The following HCN3 variants were observed in gnomAD, a reference collection of about 807,000 sequenced individuals.
HCN3 encodes the protein potassium/sodium hyperpolarization-activated cyclic nucleotide-gated channel 3.
HCN3 carries 36 observed loss-of-function variants against 56.8 expected under a neutral mutation model. The observed-to-expected ratio is 0.63, with a 90% CI of 0.49 to 0.84. The LOEUF (loss-of-function observed/expected upper bound fraction) is 0.84, where lower values mean the gene tolerates loss of function less well. Among genes scored for constraint, HCN3 ranks in the 40% least tolerant of loss-of-function variants. The pLI is 0.00. For synonymous variants in HCN3, 425 were observed against 439.7 expected (o/e 0.97, Z 0.42); for missense variants, 930 against 1,079.3 (o/e 0.86, Z 1.94).
At chr1:155,279,041 C>G (rs1000184855) in intron 1 of HCN3, among the ~76,000 whole-genome samples, 1 of 152,210 alleles carries the variant, frequency 6.6e-6, no homozygotes, top group Non-Finnish European at 1.5e-5. Flanking sequence ...GATTCCTCCT[C>G]AGCAGCCGAG....
At position 155,282,801 on chromosome 1, in the gene HCN3, C is replaced by T. The variant is rs763904221; in HGVS notation, c.669C>T (p.Arg223=). The change falls in exon 2 of 8, where the codon CGC becomes CGT. Residue 223 remains arginine, a synonymous_variant. Transcript: ENST00000368358. The surrounding 1 kb of genome is among the most constrained non-coding windows in gnomAD (Gnocchi z 4.7). ...TKILSLLRLL[R]LSRLIRYIHQ... is the part of the protein sequence containing the mutation. ...TCCTAAGCCTGCTGAGGCTGCTCCG[C>T]CTCTCCCGCCTCATCCGCTACATAC... 6.2e-7 allele frequency: 1 copy of T among 1,612,088 alleles called. No individual in the cohort carries two copies. Among genetic ancestry groups the T allele is most frequent in the Admixed American group, 1.7e-5 (1 of 59,984 alleles).
rs767727947 is a variant in HCN3 at position 155,288,415 on chromosome 1, G to A, written c.2277G>A (p.Val759=). Residue 759 remains valine, a synonymous_variant, in exon 8 of 8, where the codon GTG becomes GTA. Coordinates refer to ENST00000368358, the MANE Select transcript of HCN3 (RefSeq NM_020897.3). The surrounding 1 kb of genome is among the most constrained non-coding windows in gnomAD (Gnocchi z 6.5). ...PRTAQPPRPP[V]PEPATPRGLQ... is the part of the protein sequence containing the mutation. ...CAGCCCAGCCCCCCAGGCCACCAGTGCCTGAGCCAGCCACACCCCGGGGTC... is the reference window on the plus strand; with the variant it reads ...CAGCCCAGCCCCCCAGGCCACCAGTACCTGAGCCAGCCACACCCCGGGGTC... 7 of 1,611,272 alleles carry A rather than the reference G, an allele frequency of 4.3e-6. No homozygotes were observed. The East Asian group carries it at 1.6e-4, about 36-fold the overall frequency.
chr1:155,281,541 G>A (rs1410992390), intron 1 of HCN3, among the ~76,000 whole-genome samples: 1 of 151,328 alleles, frequency 6.6e-6, no homozygotes, highest in Admixed American at 6.6e-5. Context: ...GCTAATTTTT[G>A]TATTTTTTGT....
chr1:155,285,888 C>T lies in HCN3; in HGVS notation c.1401C>T (p.Phe467=), dbSNP rs1470602995. ...REGSVGRKMY[F]IQHGLLSVLA... ...GCTCCGTGGGGAGGAAGATGTACTTCATCCAGCATGGGCTGCTCAGTGTGC... is the reference window on the plus strand; with the variant it reads ...GCTCCGTGGGGAGGAAGATGTACTTTATCCAGCATGGGCTGCTCAGTGTGC... The change falls in exon 6 of 8, where the codon TTC becomes TTT. Residue 467 remains phenylalanine (F), a synonymous_variant. Coordinates refer to ENST00000368358, the MANE Select transcript of HCN3 (RefSeq NM_020897.3). The surrounding 1 kb of genome is among the most constrained non-coding windows in gnomAD (Gnocchi z 4.5). 1 of 1,614,144 alleles carries T rather than the reference C, an allele frequency of 6.2e-7. No individual in the cohort carries two copies. The highest frequency in any genetic ancestry group is 8.5e-7 in the Non-Finnish European group (1 of 1,179,986).
rs773470248 is a variant in HCN3 at position 155,282,760 on chromosome 1, G to T, written c.628G>T (p.Val210Phe). 2 of 1,614,042 alleles carry T rather than the reference G, an allele frequency of 1.2e-6. No individual in the cohort carries two copies. The highest frequency in any genetic ancestry group is 1.7e-6 in the Non-Finnish European group (2 of 1,180,008). The part of the protein sequence containing the change: ...VYKTARALRI[V>F]RFTKILSLLR... ...CAAAACGGCACGGGCCCTACGCATC[G>T]TTCGCTTCACCAAGATCCTAAGCCT... The change falls in exon 2 of 8, where the codon GTT (valine) becomes TTT (phenylalanine). Residue 210 changes from valine (V) to phenylalanine (F), a missense_variant. Physicochemically the swap from Val to Phe is conservative, Grantham distance 50. Transcript: ENST00000368358. This position sits in a 1 kb window ranked among gnomAD's most constrained non-coding sequence, Gnocchi z 4.7.
chr1:155,286,551 G>C (rs543781281), intron 6 of HCN3, among the ~76,000 whole-genome samples: 221 of 152,288 alleles, frequency 1.5e-3, no homozygotes, highest in African/African-American at 5.2e-3. Flanking sequence ...GAAATCCAAG[G>C]ATCCTATGAG....
intron 1 of HCN3, 106 bp downstream of exon 1, chr1:155,277,974 C>T: frequency 7.3e-7 from 1 of 1,366,152 alleles, no homozygotes; most frequent in Non-Finnish European, 1.0e-6. Flanking sequence ...TCATTTCCAG[C>T]CCGGGGTCCC....
chr1:155,289,461 CA>C lies in HCN3; in HGVS notation c.*999del, dbSNP rs1674439350. ...AGCCTCTGTGGTCCTTGCCCAAACC[CA>C]TCAGCGCAATACTTGAACCTTCTCC... On this transcript the variant is annotated 3_prime_UTR_variant, in exon 8 of 8. Transcript: ENST00000368358. The C allele has an allele frequency of 6.6e-6, 1 of 152,260 alleles. No individual in the cohort carries two copies. Among genetic ancestry groups the C allele is most frequent in the South Asian group, 2.1e-4 (1 of 4,840 alleles). The allele number at this position is 152,260 out of a possible 1,614,324, so 9.4% of individuals were successfully genotyped here. A position where few individuals can be genotyped will look rare whatever the true frequency, so the allele number is the denominator to read the frequency against.
Position 155,285,712 on chromosome 1 carries a change from T to G in HCN3, c.1237-12T>G. The G allele has an allele frequency of 6.2e-7, 1 of 1,613,702 alleles. No individual in the cohort carries two copies. The highest frequency in any genetic ancestry group is 1.3e-5 in the African/African-American group (1 of 75,012). On this transcript the variant is annotated splice_polypyrimidine_tract_variant and intron_variant, in intron 5 of 7. Coordinates refer to ENST00000368358, the MANE Select transcript of HCN3 (RefSeq NM_020897.3). The surrounding 1 kb of genome is among the most constrained non-coding windows in gnomAD (Gnocchi z 4.5). ...GGGCACAGCCTGCCTGACAGGCCCC[T>G]CCCCTGTCCAGGAGATCATTAACTT...
rs191859933 is a variant in HCN3 at position 155,285,335 on chromosome 1, G to A, written c.1236+24G>A. ...AGGTGGGGCTGGGTTGGGCCTGGAAGGGGGGCTCTTCAGGGACCTGGAGTG... is the reference window on the plus strand; with the variant it reads ...AGGTGGGGCTGGGTTGGGCCTGGAAAGGGGGCTCTTCAGGGACCTGGAGTG... On this transcript the variant is annotated intron_variant, in intron 5 of 7. Transcript: ENST00000368358. The surrounding 1 kb of genome is among the most constrained non-coding windows in gnomAD (Gnocchi z 4.5). 5.0e-6 allele frequency: 8 copies of A among 1,612,338 alleles called. No homozygotes were observed. The highest frequency in any genetic ancestry group is 6.8e-6 in the Non-Finnish European group (8 of 1,178,936).
At chr1:155,280,247 T>TTTTA (rs1311518852) in intron 1 of HCN3, among the ~76,000 whole-genome samples, 7 of 143,486 alleles carry the variant, frequency 4.9e-5, no homozygotes, top group East Asian at 4.3e-4. Context: ...ACCGGCAAAT[T>TTTTA]TTTATTTATT....
At chr1:155,281,164 G>A (rs1165826401) in intron 1 of HCN3, among the ~76,000 whole-genome samples, 8 of 147,578 alleles carry the variant, frequency 5.4e-5, no homozygotes, top group Admixed American at 3.4e-4. Context: ...TCCGCCTCCC[G>A]GGTTCAAGTG....
At chr1:155,280,983 G>A (rs1369643071) in intron 1 of HCN3, among the ~76,000 whole-genome samples, 2 of 144,116 alleles carry the variant, frequency 1.4e-5, no homozygotes, top group Non-Finnish European at 3.0e-5. Context: ...CGAACTCCCA[G>A]CCTCAGGCGA....
At chr1:155,281,513 C>T (rs1674049139) in intron 1 of HCN3, among the ~76,000 whole-genome samples, 1 of 150,764 alleles carries the variant, frequency 6.6e-6, no homozygotes, top group Admixed American at 6.6e-5. Context: ...GGGTTACAGG[C>T]TCTCGCCACC....
rs768007362 is a variant in HCN3 at position 155,284,575 on chromosome 1, T to C, written c.907T>C (p.Phe303Leu). 2 of 1,613,398 alleles carry C rather than the reference T, an allele frequency of 1.2e-6. No individual in the cohort carries two copies. The highest frequency in any genetic ancestry group is 3.3e-5 in the Admixed American group (2 of 60,022). The part of the protein sequence containing the change: ...SWGRQYSHAL[F>L]KAMSHMLCIG... Reference sequence around the variant, plus strand: ...GGGCCGCCAGTATTCCCATGCCCTGTTCAAGGCCATGAGCCACATGCTGTG... The same window carrying C: ...GGGCCGCCAGTATTCCCATGCCCTGCTCAAGGCCATGAGCCACATGCTGTG... The change falls in exon 4 of 8, where the codon TTC becomes CTC. Residue 303 changes from phenylalanine to leucine, a missense_variant. Transcript: ENST00000368358. The surrounding 1 kb of genome is among the most constrained non-coding windows in gnomAD (Gnocchi z 4.3).
At position 155,277,671 on chromosome 1, in the gene HCN3, C is replaced by A. The variant is rs904771953; in HGVS notation, c.81C>A (p.Pro27=). ...PGLEAVPPVA[P]PPATAASGPI... ...TGGAGGCGGTGCCTCCCGTTGCTCC[C>A]CCGCCTGCGACCGCGGCCTCAGGTC... is the stretch of plus-strand genomic sequence containing the variant. Residue 27 remains proline (P), a synonymous_variant, in exon 1 of 8, where the codon CCC becomes CCA. Transcript: ENST00000368358. 3 of 1,557,296 alleles carry A rather than the reference C, an allele frequency of 1.9e-6. No homozygotes were observed. The highest frequency in any genetic ancestry group is 2.6e-6 in the Non-Finnish European group (3 of 1,151,580).
chr1:155,289,110 G>A lies in HCN3; in HGVS notation c.*647G>A, dbSNP rs1438402518. The A allele has an allele frequency of 6.6e-6, 1 of 152,540 alleles. No homozygotes were observed. Among genetic ancestry groups the A allele is most frequent in the Non-Finnish European group, 1.5e-5 (1 of 68,130 alleles). 9.4% of individuals were successfully genotyped at this position (152,540 alleles called of 1,614,324 possible). On this transcript the variant is annotated 3_prime_UTR_variant, in exon 8 of 8. Coordinates refer to ENST00000368358, the MANE Select transcript of HCN3 (RefSeq NM_020897.3). ...AGTTCCCTGCAGTCTCTGTCCTGTG[G>A]TAGACCATCTTTTTGTAAACTGCGA...
Position 155,285,753 on chromosome 1 carries a change from G to A in HCN3, c.1266G>A (p.Leu422=). The A allele has an allele frequency of 6.2e-7, 1 of 1,614,124 alleles. No homozygotes were observed. The highest frequency in any genetic ancestry group is 8.5e-7 in the Non-Finnish European group (1 of 1,180,000). ...TCATTAACTTCACCTGTCGGGGCCT[G>A]GTGGCCCACATGCCGCTGTTTGCCC... ...EEIINFTCRG[L]VAHMPLFAHA... is the part of the protein sequence containing the mutation. The change falls in exon 6 of 8, where the codon CTG becomes CTA. Residue 422 remains leucine, a synonymous_variant. Transcript: ENST00000368358. This position sits in a 1 kb window ranked among gnomAD's most constrained non-coding sequence, Gnocchi z 4.5.
chr1:155,285,702 G>T lies in HCN3; in HGVS notation c.1237-22G>T. 6.2e-7 allele frequency: 1 copy of T among 1,612,962 alleles called. No homozygotes were observed. Among genetic ancestry groups the T allele is most frequent in the South Asian group, 1.1e-5 (1 of 90,992 alleles). ...CTCAGGTCAGGGGCACAGCCTGCCT[G>T]ACAGGCCCCTCCCCTGTCCAGGAGA... On this transcript the variant is annotated intron_variant, in intron 5 of 7. Transcript: ENST00000368358. This position sits in a 1 kb window ranked among gnomAD's most constrained non-coding sequence, Gnocchi z 4.5.
Sources: gnomAD v4.1 joint callset for allele counts (sites outside exome capture counted in the v4.1 genomes callset) on GRCh38, gnomAD v4.1.1 for gene constraint, Gnocchi (gnomAD v3.1) non-coding constraint, MANE v1.5 for transcripts, NCBI Gene and HGNC (gene_info 2026-07-23, HGNC 2026-07-21) for gene names.